The following PRRC1 variants were observed in gnomAD, a reference collection of about 807,000 sequenced individuals.
PRRC1 encodes proline rich coiled-coil 1.
In PRRC1, 39 loss-of-function variants were observed where a neutral mutation model predicts 40.7. That is an observed-to-expected ratio of 0.96 (90% CI 0.74 to 1.25). The LOEUF (loss-of-function observed/expected upper bound fraction) is 1.25. PRRC1 is among the 50% of genes most tolerant of loss of function. The probability of loss-of-function intolerance (pLI) is 0.00; values close to 1 mark genes in which losing one functional copy is unlikely to be tolerated. For synonymous variants in PRRC1, 175 were observed against 193.3 expected (o/e 0.91, Z 0.79); for missense variants, 573 against 548.3 (o/e 1.05, Z -0.45).
chr5:127,518,102 C>T (rs1767363644), intron 1 of PRRC1: 1 of 152,428 alleles, frequency 6.6e-6, no homozygotes, highest in Admixed American at 6.5e-5. Flanking sequence ...CGCTCTGGCC[C>T]CACCTTCCAG....
At chr5:127,549,523 T>A (rs1768316800) in intron 8 of PRRC1, 1 of 152,170 alleles carries the variant, frequency 6.6e-6, no homozygotes, top group African/African-American at 2.4e-5. Flanking sequence ...TTGCTAGAAA[T>A]AATCATACTA....
chr5:127,535,066 C>T (rs1767862019), intron 6 of PRRC1, among the ~76,000 whole-genome samples: 1 of 146,760 alleles, frequency 6.8e-6, no homozygotes, highest in Admixed American at 7.0e-5. Flanking sequence ...GAATACTGAG[C>T]CATTGCTCCC....
chr5:127,553,639 A>C lies in PRRC1; in HGVS notation c.*1723A>C. 7.1e-7 allele frequency: 1 copy of C among 1,411,982 alleles called. No homozygotes were observed. The allele number at this position is 1,411,982 out of a possible 1,614,324, so 87.5% of individuals were successfully genotyped here. A position where few individuals can be genotyped will look rare whatever the true frequency, so the allele number is the denominator to read the frequency against. ...ACTGAAGGGAAGCATGTCCTTACTT[A>C]AAATAGTTCTGCTACTTTCCCTCCT... On this transcript the variant is annotated 3_prime_UTR_variant, in exon 9 of 9. Coordinates refer to ENST00000296666, the MANE Select transcript of PRRC1 (RefSeq NM_130809.5).
chr5:127,533,214 A>G (rs982240892), intron 5 of PRRC1, among the ~76,000 whole-genome samples: 4 of 152,054 alleles, frequency 2.6e-5, no homozygotes, highest in African/African-American at 7.2e-5. Context: ...TATTTAAACT[A>G]TTTTCTAGGT....
chr5:127,525,526 G>T (rs941945680), intron 3 of PRRC1, among the ~76,000 whole-genome samples: 5 of 151,746 alleles, frequency 3.3e-5, no homozygotes, highest in Admixed American at 2.0e-4. Context: ...ATTTTTCTTG[G>T]GTGTCTACCT....
chr5:127,527,662 G>T (rs1767655886), intron 4 of PRRC1, among the ~76,000 whole-genome samples: 1 of 151,460 alleles, frequency 6.6e-6, no homozygotes, highest in African/African-American at 2.4e-5. Context: ...CAGAGGCTAA[G>T]GTGGTAGGAT....
rs1434905326 is a variant in PRRC1, at chr5:127,524,712, T to G, written c.285T>G (p.Ser95=). The G allele has an allele frequency of 1.2e-6, 2 of 1,614,050 alleles. No individual in the cohort carries two copies. The highest frequency in any genetic ancestry group is 1.7e-6 in the Non-Finnish European group (2 of 1,180,026). The part of the protein sequence containing the change: ...PLVTSMPPPV[S]PSTAAAFGNP... ...TTACTTCTATGCCACCTCCTGTTTC[T>G]CCATCAACTGCTGCTGCCTTCGGTA... Residue 95 remains serine, a synonymous_variant, in exon 3 of 9, where the codon TCT becomes TCG. Coordinates refer to ENST00000296666, the MANE Select transcript of PRRC1 (RefSeq NM_130809.5).
chr5:127,535,162 T>C lies in PRRC1; in HGVS notation c.921+1376T>C, dbSNP rs1487235067. 2.0e-5 allele frequency among the ~76,000 whole-genome samples: 3 copies of C among 152,216 alleles called. No homozygotes were observed. In the East Asian group the frequency reaches 5.8e-4, roughly 29 times the overall value. Reference sequence around the variant, plus strand: ...TACATAACTTTGTTTTATGCCTCTTTCTGTTTAAATACATTTTTATACACA... The same window carrying C: ...TACATAACTTTGTTTTATGCCTCTTCCTGTTTAAATACATTTTTATACACA... On this transcript the variant is annotated intron_variant, in intron 6 of 8. Coordinates refer to ENST00000296666, the MANE Select transcript of PRRC1 (RefSeq NM_130809.5).
At position 127,539,028 on chromosome 5, in the gene PRRC1, A is replaced by G. The variant is rs376691613; in HGVS notation, c.922-12A>G. On this transcript the variant is annotated splice_polypyrimidine_tract_variant and intron_variant, in intron 6 of 8. Coordinates refer to ENST00000296666, the MANE Select transcript of PRRC1 (RefSeq NM_130809.5). ...TTTGAAATGGTCTCTAACCTCTGCC[A>G]TTGTTGTTTAGGGTGCTCAGGAACG... is the stretch of plus-strand genomic sequence containing the variant. 132 of 1,605,748 alleles carry G rather than the reference A, an allele frequency of 8.2e-5. No homozygotes were observed. Among genetic ancestry groups the G allele is most frequent in the Non-Finnish European group, 8.9e-5 (105 of 1,173,370 alleles).
At chr5:127,523,718 TTTTAA>T (rs1767527616) in intron 2 of PRRC1, 136 bp downstream of exon 2, 3 of 465,196 alleles carry the variant, frequency 6.4e-6, no homozygotes, top group Non-Finnish European at 1.1e-5. Context: ...GAAATAGCCT[TTTTAA>T]TTTAAAGAAT....
intron 8 of PRRC1, chr5:127,548,248 T>C: frequency 2.0e-6 from 1 of 489,878 alleles, no homozygotes; most frequent in East Asian, 3.3e-5. Flanking sequence ...TTCGTTTGCT[T>C]TCCCTTTTAT....
chr5:127,528,500 A>G (rs1767683756), intron 4 of PRRC1, among the ~76,000 whole-genome samples: 1 of 152,024 alleles, frequency 6.6e-6, no homozygotes, highest in Admixed American at 6.6e-5. Context: ...TATTTTTAGT[A>G]GAGACGGGGG....
In PRRC1 at chr5:127,552,988, CAAAT is replaced by C; in HGVS notation, c.*1075_*1078del. The C allele has an allele frequency of 2.5e-6, 2 of 787,642 alleles. No individual in the cohort carries two copies. Among genetic ancestry groups the C allele is most frequent in the South Asian group, 5.9e-5 (1 of 16,998 alleles). The allele number at this position is 787,642 out of a possible 1,614,324, so 48.8% of individuals were successfully genotyped here. A position where few individuals can be genotyped will look rare whatever the true frequency, so the allele number is the denominator to read the frequency against. On this transcript the variant is annotated 3_prime_UTR_variant, in exon 9 of 9. Coordinates refer to ENST00000296666, the MANE Select transcript of PRRC1 (RefSeq NM_130809.5). ...CTATTTCGTGGAAGCCTTTTCCCCT[CAAAT>C]AATATATTATATCATTTTTGGACTT...
chr5:127,551,687 T>A lies in PRRC1; in HGVS notation c.1129-20T>A. The A allele has an allele frequency of 6.2e-7, 1 of 1,611,416 alleles. No individual in the cohort carries two copies. On this transcript the variant is annotated intron_variant, in intron 8 of 8. Transcript: ENST00000296666. ...ATTTTTAAATGTATTATAAGTAATATCAATTTCATCTTTCCACAGGCTCAA... is the reference window on the plus strand; with the variant it reads ...ATTTTTAAATGTATTATAAGTAATAACAATTTCATCTTTCCACAGGCTCAA...
At chr5:127,543,315 T>C (rs1287224001) in intron 7 of PRRC1, among the ~76,000 whole-genome samples, 1 of 152,058 alleles carries the variant, frequency 6.6e-6, no homozygotes, top group African/African-American at 2.4e-5. Context: ...ATTTTTTCCT[T>C]CATTTCAACT....
At chr5:127,548,113 G>C in intron 8 of PRRC1, 192 bp downstream of exon 8, 1 of 631,698 alleles carries the variant, frequency 1.6e-6, no homozygotes, top group Non-Finnish European at 2.8e-6. Context: ...TCCTCCTTTT[G>C]TTTTCCAGGT....
At position 127,552,570 on chromosome 5, in the gene PRRC1, C is replaced by T; in HGVS notation, c.*654C>T. On this transcript the variant is annotated 3_prime_UTR_variant, in exon 9 of 9. Coordinates refer to ENST00000296666, the MANE Select transcript of PRRC1 (RefSeq NM_130809.5). ...ATTTTAAACATAACTTTTGGCATTTCCCAGATTTATACTATGAACATTGGG... is the reference window on the plus strand; with the variant it reads ...ATTTTAAACATAACTTTTGGCATTTTCCAGATTTATACTATGAACATTGGG... The T allele has an allele frequency of 1.0e-6, 1 of 985,444 alleles. No individual in the cohort carries two copies. The highest frequency in any genetic ancestry group is 1.2e-6 in the Non-Finnish European group (1 of 829,554). 61.0% of individuals were successfully genotyped at this position (985,444 alleles called of 1,614,324 possible).
chr5:127,542,893 A>G (rs1207024797), intron 7 of PRRC1, among the ~76,000 whole-genome samples: 1 of 152,082 alleles, frequency 6.6e-6, no homozygotes, highest in Non-Finnish European at 1.5e-5. Context: ...TAATATTGTT[A>G]TGTGTGAATT....
chr5:127,529,739 G>A (rs7732447), intron 4 of PRRC1, among the ~76,000 whole-genome samples: 3,045 of 152,180 alleles, frequency 0.02, 101 homozygotes, highest in African/African-American at 0.07. Context: ...TATAAATGGC[G>A]AGTTTGGGAA....
Sources: allele counts gnomAD v4.1 joint callset (sites outside exome capture counted in the v4.1 genomes callset), GRCh38; gene constraint gnomAD v4.1.1; transcripts MANE v1.5; gene names NCBI Gene and HGNC (gene_info 2026-07-23, HGNC 2026-07-21).